The following POU6F2 variants were observed in gnomAD, a reference collection of about 807,000 sequenced individuals.
POU6F2 encodes POU domain, class 6, transcription factor 2.
A neutral mutation model predicts 71.3 loss-of-function variants in POU6F2; 31 were observed. That is an observed-to-expected ratio of 0.43 (90% confidence interval 0.33 to 0.59). The LOEUF (loss-of-function observed/expected upper bound fraction) is 0.59, where lower values mean the gene tolerates loss of function less well. Ranked by LOEUF, POU6F2 falls within the 20% of genes least tolerant of loss-of-function variation. The probability of loss-of-function intolerance (pLI) is 0.04; values close to 1 mark genes in which losing one functional copy is unlikely to be tolerated. For synonymous variants in POU6F2, 347 were observed against 355.7 expected, an observed-to-expected ratio of 0.98 and a Z score of 0.27; for missense variants, 783 against 856.8, an observed-to-expected ratio of 0.91 and a Z score of 1.07.
intron 1 of POU6F2, among the ~76,000 whole-genome samples, chr7:39,057,418 T>TTCTTTTTATG (rs1231717355): frequency 7.9e-5 from 12 of 152,160 alleles, no homozygotes; most frequent in Non-Finnish European, 1.3e-4. Flanking sequence ...CTTTTTCTAT[T>TTCTTTTTATG]TCTTTTTATG....
rs142326914 is a variant in POU6F2, at chr7:39,461,977, T to C, written c.1658+1262T>C. Among the ~76,000 whole-genome samples, 524 of 152,358 alleles carry C rather than the reference T, an allele frequency of 3.4e-3. 2 individuals carry two copies. The highest frequency in any genetic ancestry group is 0.02 in the Middle Eastern group (6 of 294). ...ATTGCTCCCTGTTGGGAAACATTAATTTTGTTTCATCTTGACAGCCTTGGG... is the reference window on the plus strand; with the variant it reads ...ATTGCTCCCTGTTGGGAAACATTAACTTTGTTTCATCTTGACAGCCTTGGG... On this transcript the variant is annotated intron_variant, in intron 9 of 9. Coordinates refer to ENST00000518318, the MANE Select transcript of POU6F2 (RefSeq NM_001370959.1).
chr7:39,406,491 T>C, intron 5 of POU6F2, 109 bp from the exon 6 acceptor site: 2 of 1,354,640 alleles, frequency 1.5e-6, no homozygotes, highest in African/African-American at 2.9e-5. Flanking sequence ...CCAGGCCCTT[T>C]GCATGAGCGA....
chr7:39,025,083 C>T (rs1365031974), intron 1 of POU6F2, among the ~76,000 whole-genome samples: 3 of 152,164 alleles, frequency 2.0e-5, no homozygotes, highest in Admixed American at 2.0e-4. Context: ...AGGAATGGTA[C>T]CAGTTCCTCC....
intron 2 of POU6F2, among the ~76,000 whole-genome samples, chr7:39,141,907 G>A (rs1294421690): frequency 1.3e-5 from 2 of 152,094 alleles, no homozygotes; most frequent in Non-Finnish European, 1.5e-5. Flanking sequence ...CCAATATGGT[G>A]AAACTCCATC....
At chr7:39,281,710 A>G (rs1784565575) in intron 4 of POU6F2, among the ~76,000 whole-genome samples, 1 of 152,136 alleles carries the variant, frequency 6.6e-6, no homozygotes, top group African/African-American at 2.4e-5. Context: ...CAGTTGATGG[A>G]CACTTAGGTT....
At position 39,466,633 on chromosome 7, in the gene POU6F2, C is replaced by T. The variant is rs1188797139; in HGVS notation, c.*1947C>T. ...TCTCCCTGGGGAGTTTGAGTTTCTT[C>T]TGTTGGCTCCTTTGCTGTTTGTGTA... On this transcript the variant is annotated 3_prime_UTR_variant, in exon 10 of 10. Transcript: ENST00000518318. The T allele has an allele frequency of 2.6e-5, 4 of 152,222 alleles. No homozygotes were observed. Among genetic ancestry groups the T allele is most frequent in the African/African-American group, 9.7e-5 (4 of 41,446 alleles). 9.4% of individuals were successfully genotyped at this position (152,222 alleles called of 1,614,324 possible). A position where few individuals can be genotyped will look rare whatever the true frequency, so the allele number is the denominator to read the frequency against.
intron 2 of POU6F2, among the ~76,000 whole-genome samples, chr7:39,126,194 G>C (rs1006440375): frequency 6.6e-6 from 1 of 152,200 alleles, no homozygotes. Flanking sequence ...GCTGAATTCA[G>C]CCTTGGCTAA....
At chr7:39,023,624 C>T (rs1454599520) in intron 1 of POU6F2, among the ~76,000 whole-genome samples, 1 of 152,024 alleles carries the variant, frequency 6.6e-6, no homozygotes, top group Non-Finnish European at 1.5e-5. Flanking sequence ...ACACAAAAGT[C>T]CAAATACATT....
chr7:39,173,655 C>T (rs953681715), intron 2 of POU6F2, among the ~76,000 whole-genome samples: 2 of 152,148 alleles, frequency 1.3e-5, no homozygotes, highest in African/African-American at 4.8e-5. Flanking sequence ...AACATTTCAC[C>T]CATAGCCTAG....
At chr7:39,109,996 C>A (rs1393893324) in intron 2 of POU6F2, among the ~76,000 whole-genome samples, 1 of 151,998 alleles carries the variant, frequency 6.6e-6, no homozygotes, top group Non-Finnish European at 1.5e-5. Context: ...ATTGGCTGGG[C>A]GCGGAGGCTC....
chr7:39,439,609 C>A (rs1788342312), intron 7 of POU6F2, among the ~76,000 whole-genome samples: 1 of 152,210 alleles, frequency 6.6e-6, no homozygotes, highest in Non-Finnish European at 1.5e-5. Flanking sequence ...CCTGCCTCAG[C>A]CTCCCGAGTA....
chr7:39,378,480 G>T (rs538254220), intron 5 of POU6F2, among the ~76,000 whole-genome samples: 73 of 152,274 alleles, frequency 4.8e-4, no homozygotes, highest in African/African-American at 1.6e-3. Context: ...GGCATGAGGT[G>T]GTATGATGGA....
At chr7:39,201,232 G>A (rs1302844718) in intron 2 of POU6F2, among the ~76,000 whole-genome samples, 1 of 152,146 alleles carries the variant, frequency 6.6e-6, no homozygotes, top group African/African-American at 2.4e-5. Context: ...ACAAGCCAGA[G>A]TTCACATTCT....
intron 1 of POU6F2, chr7:39,034,534 C>T (rs1358581540): frequency 1.5e-5 from 6 of 407,154 alleles, no homozygotes; most frequent in South Asian, 8.7e-5. Context: ...CACATAAAGT[C>T]GGGGTCAGAT....
intron 2 of POU6F2, among the ~76,000 whole-genome samples, chr7:39,177,713 T>G (rs1300272112): frequency 1.3e-5 from 2 of 152,100 alleles, no homozygotes; most frequent in African/African-American, 4.8e-5. Context: ...AAATATGAAA[T>G]TCCCAGTTTT....
chr7:39,006,396 G>A (rs531589888), intron 1 of POU6F2, among the ~76,000 whole-genome samples: 55 of 152,166 alleles, frequency 3.6e-4, no homozygotes, highest in Admixed American at 2.4e-3. Flanking sequence ...CCTGGGAGGC[G>A]GAGGTTGCAG....
At chr7:39,082,794 G>GCACACA (rs35710081) in intron 1 of POU6F2, among the ~76,000 whole-genome samples, 15,533 of 136,912 alleles carry the variant, frequency 0.11, 941 homozygotes, top group Admixed American at 0.15. Context: ...ACCATGTCAT[G>GCACACA]CACACACACA....
At chr7:39,113,375 C>T (rs1432830092) in intron 2 of POU6F2, among the ~76,000 whole-genome samples, 3 of 152,120 alleles carry the variant, frequency 2.0e-5, no homozygotes, top group Admixed American at 6.5e-5. Context: ...TTCATGGCTA[C>T]AGTAATGGGA....
At chr7:39,187,542 C>T (rs757811580) in intron 2 of POU6F2, among the ~76,000 whole-genome samples, 39 of 152,230 alleles carry the variant, frequency 2.6e-4, no homozygotes, top group African/African-American at 9.4e-4. Context: ...TGCACGTCAC[C>T]GAGGGCCGCT....
Sources: gnomAD v4.1 joint callset for allele counts (sites outside exome capture counted in the v4.1 genomes callset) on GRCh38, gnomAD v4.1.1 for gene constraint, MANE v1.5 for transcripts, NCBI Gene and HGNC (gene_info 2026-07-23, HGNC 2026-07-21) for gene names.